Variants in DNAH2 observed in about 807,000 individuals in gnomAD.
DNAH2 encodes the protein dynein axonemal heavy chain 2.
In DNAH2, 323 loss-of-function variants were observed where a neutral mutation model predicts 523.5. That is an observed-to-expected ratio of 0.62 (90% confidence interval 0.56 to 0.68). The LOEUF is 0.68. Ranked by LOEUF, DNAH2 falls within the 30% of genes least tolerant of loss-of-function variation. The pLI is 0.00. For synonymous variants in DNAH2, 2,093 were observed against 2,177.4 expected, an observed-to-expected ratio of 0.96 and a Z score of 1.08; for missense variants, 4,907 against 5,701.5, an observed-to-expected ratio of 0.86 and a Z score of 4.49.
chr17:7,754,983 A>C lies in DNAH2; in HGVS notation c.1905-2108A>C. 1 of 406,090 alleles carries C rather than the reference A, an allele frequency of 2.5e-6. No individual in the cohort carries two copies. Among genetic ancestry groups the C allele is most frequent in the Admixed American group, 3.9e-5 (1 of 25,606 alleles). 25.2% of individuals were successfully genotyped at this position (406,090 alleles called of 1,614,324 possible). On this transcript the variant is annotated intron_variant, in intron 12 of 85. Coordinates refer to ENST00000572933, the MANE Select transcript of DNAH2 (RefSeq NM_020877.5). This position sits in a 1 kb window ranked among gnomAD's most constrained non-coding sequence, Gnocchi z 4.6. Reference sequence around the variant, plus strand: ...CTGAGGCAGAAAAAAAAAAAAAAAGAATAGGCAGCCCAGGAAGAAGGGTTA... The same window carrying C: ...CTGAGGCAGAAAAAAAAAAAAAAAGCATAGGCAGCCCAGGAAGAAGGGTTA...
intron 12 of DNAH2, among the ~76,000 whole-genome samples, chr17:7,749,229 A>C (rs2075599946): frequency 7.1e-6 from 1 of 141,466 alleles, no homozygotes; most frequent in Non-Finnish European, 1.5e-5. Context: ...AATTGCTTGA[A>C]CCTGGGAGGC....
Position 7,797,481 on chromosome 17 carries a change from T to C in DNAH2, c.8031T>C (p.Phe2677=), listed in dbSNP as rs188400625. 6.2e-7 allele frequency: 1 copy of C among 1,614,190 alleles called. No individual in the cohort carries two copies. The highest frequency in any genetic ancestry group is 8.5e-7 in the Non-Finnish European group (1 of 1,180,038). Residue 2677 remains phenylalanine, a synonymous_variant, in exon 52 of 86, where the codon TTT becomes TTC. Coordinates refer to ENST00000572933, the MANE Select transcript of DNAH2 (RefSeq NM_020877.5). ...TAAGCGACAAGCTCGGCTCCTTCTT[T>C]GACCTCACATTTCATCATCTCTGTC... ...GIISDKLGSF[F]DLTFHHLCPS... is the part of the protein sequence containing the mutation.
intron 42 of DNAH2, chr17:7,787,322 G>A (rs1488572799): frequency 2.0e-6 from 1 of 497,822 alleles, no homozygotes; most frequent in Non-Finnish European, 3.6e-6. Flanking sequence ...ACCCTCGTTT[G>A]TGCACCCAGA....
intron 63 of DNAH2, among the ~76,000 whole-genome samples, chr17:7,812,951 C>CAA (rs61164962): frequency 1.9e-4 from 23 of 122,324 alleles, no homozygotes; most frequent in Non-Finnish European, 3.2e-4. Flanking sequence ...GACTCTGTGT[C>CAA]AAAAAAAAAA....
intron 12 of DNAH2, 140 bp from the exon 13 acceptor site, chr17:7,756,951 G>C: frequency 7.8e-7 from 1 of 1,286,092 alleles, no homozygotes. Flanking sequence ...GATTACAGGC[G>C]TGAGCCACCA....
rs151121318 is a variant in DNAH2 at position 7,778,137 on chromosome 17, T to C, written c.5308T>C (p.Leu1770=). The change falls in exon 34 of 86, where the codon TTG becomes CTG. Residue 1770 remains leucine (L), a synonymous_variant. Coordinates refer to ENST00000572933, the MANE Select transcript of DNAH2 (RefSeq NM_020877.5). ...NTQFQYNYEY[L]GNSGRLVITP... The stretch of plus-strand genomic sequence containing the variant: ...GCAATTTCAGTATAATTATGAGTAC[T>C]TGGGTAACTCGGGCCGGCTCGTCAT... 3.8e-5 allele frequency: 61 copies of C among 1,614,072 alleles called. No homozygotes were observed. The African/African-American group carries it at 7.5e-4, about 20-fold the overall frequency.
chr17:7,798,320 A>C lies in DNAH2; in HGVS notation c.8394A>C (p.Arg2798=). 1 of 1,609,318 alleles carries C rather than the reference A, an allele frequency of 6.2e-7. No individual in the cohort carries two copies. Among genetic ancestry groups the C allele is most frequent in the South Asian group, 1.1e-5 (1 of 90,806 alleles). ...AACATTATCGGAAGCAGGAGTTCCG[A>C]GATGGTACGGCTGGGTTTCTGAAAT... is the stretch of plus-strand genomic sequence containing the variant. ...VTKHYRKQEF[R]DDIKRLYRQA... Residue 2798 remains arginine (R), a synonymous_variant, in exon 54 of 86, where the codon CGA becomes CGC. Coordinates refer to ENST00000572933, the MANE Select transcript of DNAH2 (RefSeq NM_020877.5). This position sits in a 1 kb window ranked among gnomAD's most constrained non-coding sequence, Gnocchi z 5.5.
intron 68 of DNAH2, 70 bp from the exon 69 acceptor site, chr17:7,818,242 G>A: frequency 6.2e-7 from 1 of 1,600,606 alleles, no homozygotes; most frequent in East Asian, 2.2e-5. Context: ...GCCCCTGGAT[G>A]CCGGTGGGGG....
chr17:7,774,785 A>T lies in DNAH2; in HGVS notation c.4528A>T (p.Asn1510Tyr). 1 of 1,614,206 alleles carries T rather than the reference A, an allele frequency of 6.2e-7. No individual in the cohort carries two copies. ...CCTCCTGGACACATTGATAGAAATG[A>T]ATACAATCCTGGAAGATATTCAGAA... ...PGLLDTLIEM[N>Y]TILEDIQKSL... is the part of the protein sequence containing the mutation. The change falls in exon 29 of 86, where the codon AAT (asparagine) becomes TAT (tyrosine). Residue 1510 changes from asparagine (N) to tyrosine (Y), a missense_variant. This residue lies in a region of DNAH2 where 2,806 missense variants were observed against 3,190.8 expected (regional missense o/e 0.88). Coordinates refer to ENST00000572933, the MANE Select transcript of DNAH2 (RefSeq NM_020877.5).
chr17:7,833,138 T>C lies in DNAH2; in HGVS notation c.13046T>C (p.Val4349Ala). ...AGWDRKNSCL[V>A]EAEPMQLVCL... ...TGGGACCGGAAGAACTCCTGCTTGG[T>C]GGAGGCAGAGCCCATGCAGCTTGTC... Residue 4349 changes from valine (V) to alanine (A), a missense_variant, in exon 85 of 86, where the codon GTG becomes GCG. Transcript: ENST00000572933. The C allele has an allele frequency of 3.1e-6, 5 of 1,611,958 alleles. No homozygotes were observed. The highest frequency in any genetic ancestry group is 4.2e-6 in the Non-Finnish European group (5 of 1,180,014).
intron 31 of DNAH2, 132 bp downstream of exon 31, chr17:7,776,281 C>A: frequency 9.6e-7 from 1 of 1,039,308 alleles, no homozygotes; most frequent in South Asian, 1.6e-5. Flanking sequence ...GCCTGGCCAA[C>A]ATGGTGAAAC....
chr17:7,830,960 G>T, intron 79 of DNAH2, 118 bp downstream of exon 79: 1 of 1,522,498 alleles, frequency 6.6e-7, no homozygotes, highest in South Asian at 1.2e-5. Context: ...GACAGAGTTT[G>T]TGGGATTGAG....
chr17:7,759,907 G>A lies in DNAH2; in HGVS notation c.2754G>A (p.Lys918=). 1.2e-6 allele frequency: 2 copies of A among 1,614,204 alleles called. No individual in the cohort carries two copies. The highest frequency in any genetic ancestry group is 1.7e-6 in the Non-Finnish European group (2 of 1,180,054). ...CHLPDILTKR[K]LHREPIQTVV... ...TCCCTGACATTCTCACCAAGCGCAA[G>A]TTACATCGTGAACCCATCCAAACAG... Residue 918 remains lysine (K), a synonymous_variant, in exon 17 of 86, where the codon AAG becomes AAA. Coordinates refer to ENST00000572933, the MANE Select transcript of DNAH2 (RefSeq NM_020877.5).
In DNAH2 at chr17:7,786,631, G is replaced by C. The variant is rs752310047; in HGVS notation, c.6410G>C (p.Ser2137Thr). Residue 2137 changes from serine (S) to threonine (T), a missense_variant, in exon 41 of 86, where the codon AGC becomes ACC. By Grantham distance (58) the Ser-to-Thr change is moderately conservative. This residue lies in a region of DNAH2 where 2,806 missense variants were observed against 3,190.8 expected (regional missense o/e 0.88). Coordinates refer to ENST00000572933, the MANE Select transcript of DNAH2 (RefSeq NM_020877.5). The surrounding 1 kb of genome is among the most constrained non-coding windows in gnomAD (Gnocchi z 7.5). ...GAACTGTATGGGGAATATGACCTCA[G>C]CACCAATGAATGGACAGATGGCATC... ...LGELYGEYDL[S>T]TNEWTDGILS... is the part of the protein sequence containing the mutation. 20 of 1,613,996 alleles carry C rather than the reference G, an allele frequency of 1.2e-5. No individual in the cohort carries two copies. Among genetic ancestry groups the C allele is most frequent in the Middle Eastern group, 3.3e-4 (2 of 6,026 alleles).
chr17:7,820,320 G>A (rs1173531047), intron 72 of DNAH2, among the ~76,000 whole-genome samples: 1 of 151,986 alleles, frequency 6.6e-6, no homozygotes, highest in African/African-American at 2.4e-5. Flanking sequence ...CTCCTGTATT[G>A]CCCACCTGAA....
intron 31 of DNAH2, among the ~76,000 whole-genome samples, 190 bp downstream of exon 31, chr17:7,776,339 T>A (rs11655108): frequency 0.82 from 125,150 of 151,718 alleles, 53,355 homozygotes; most frequent in Non-Finnish European, 0.94. Flanking sequence ...GGTGGTGTGC[T>A]CCTGTAGTCC....
At position 7,727,087 on chromosome 17, in the gene DNAH2, T is replaced by G. The variant is rs754189269; in HGVS notation, c.229-35T>G. 8.0e-6 allele frequency: 12 copies of G among 1,502,096 alleles called. No individual in the cohort carries two copies. In the South Asian group the frequency reaches 1.4e-4, roughly 18 times the overall value. The allele number at this position is 1,502,096 out of a possible 1,614,324, so 93.0% of individuals were successfully genotyped here. ...GGGAGGAATGACTCATCCTGGCAGT[T>G]GTAGTTACTTTGGCCCTCTGCTCTC... On this transcript the variant is annotated intron_variant, in intron 3 of 85. Transcript: ENST00000572933.
chr17:7,783,437 C>T (rs1276240698), intron 39 of DNAH2, among the ~76,000 whole-genome samples: 2 of 152,050 alleles, frequency 1.3e-5, no homozygotes, highest in Non-Finnish European at 2.9e-5. Context: ...AAGATTTAGT[C>T]AACTGGTAGA....
intron 12 of DNAH2, chr17:7,755,013 T>C (rs1385141356): frequency 5.2e-6 from 2 of 382,520 alleles, no homozygotes; most frequent in African/African-American, 4.1e-5. Context: ...GGGTTAGCCT[T>C]GGGTGGGAGG....
Sources: gnomAD v4.1 joint callset for allele counts (sites outside exome capture counted in the v4.1 genomes callset) on GRCh38, gnomAD v4.1.1 for gene constraint, gnomAD v4.1.1 regional missense constraint, Gnocchi (gnomAD v3.1) non-coding constraint, MANE v1.5 for transcripts, NCBI Gene and HGNC (gene_info 2026-07-23, HGNC 2026-07-21) for gene names.